Variants in TNS3 observed in about 807,000 individuals in gnomAD.
TNS3 encodes the protein tensin 3, also known as tensin-3.
A neutral mutation model predicts 140.9 loss-of-function variants in TNS3; 45 were observed. That is an observed-to-expected ratio of 0.32 (90% CI 0.25 to 0.41). TNS3 has a LOEUF of 0.41. Ranked by LOEUF, TNS3 falls within the 10% of genes least tolerant of loss-of-function variation. TNS3 has a pLI of 1.00. For missense variants in TNS3, 1,716 were observed against 1,906.7 expected, an observed-to-expected ratio of 0.90 and a Z score of 1.86; for synonymous variants, 815 against 788.4, an observed-to-expected ratio of 1.03 and a Z score of -0.56.
intron 1 of TNS3, among the ~76,000 whole-genome samples, chr7:47,542,356 G>A (rs530720459): frequency 2.8e-4 from 43 of 152,216 alleles, no homozygotes; most frequent in Admixed American, 4.6e-4. Flanking sequence ...ACCACACCTT[G>A]GCCAGACAAC....
intron 1 of TNS3, among the ~76,000 whole-genome samples, chr7:47,561,683 T>C (rs575757379): frequency 6.6e-6 from 1 of 152,318 alleles, no homozygotes; most frequent in Admixed American, 6.5e-5. Flanking sequence ...AGCAACATTT[T>C]AGAATGAAAA....
At chr7:47,296,235 T>A (rs931472578) in intron 24 of TNS3, among the ~76,000 whole-genome samples, 1 of 151,882 alleles carries the variant, frequency 6.6e-6, no homozygotes, top group Non-Finnish European at 1.5e-5. Flanking sequence ...GGCTGTAGGA[T>A]TTTCATAAGA....
chr7:47,335,988 G>A (rs1788609671), intron 20 of TNS3, among the ~76,000 whole-genome samples: 1 of 152,156 alleles, frequency 6.6e-6, no homozygotes, highest in Non-Finnish European at 1.5e-5. Context: ...CTCCCTATCT[G>A]CTGAGAGATG....
At position 47,407,951 on chromosome 7, in the gene TNS3, C is replaced by T. The variant is rs987416903; in HGVS notation, c.723+3776G>A. Among the ~76,000 whole-genome samples, 59 of 152,230 alleles carry T rather than the reference C, an allele frequency of 3.9e-4. No individual in the cohort carries two copies. Among genetic ancestry groups the T allele is most frequent in the African/African-American group, 1.4e-3 (57 of 41,550 alleles). On this transcript the variant is annotated intron_variant, in intron 13 of 30. Transcript: ENST00000311160. This position sits in a 1 kb window ranked among gnomAD's most constrained non-coding sequence, Gnocchi z 4.1. ...TGAAGCCTGAGTTGAGAGGTCAGGG[C>T]CAGGGTGGGTGGACAGTGCTAGATC... is the stretch of plus-strand genomic sequence containing the variant.
chr7:47,572,655 C>T (rs1386683158), intron 1 of TNS3, among the ~76,000 whole-genome samples: 3 of 152,060 alleles, frequency 2.0e-5, no homozygotes, highest in East Asian at 1.9e-4. Context: ...GCGGGCAGAT[C>T]GCCTGAGGTC....
intron 10 of TNS3, among the ~76,000 whole-genome samples, chr7:47,418,126 A>G (rs576799604): frequency 2.0e-5 from 3 of 152,318 alleles, no homozygotes; most frequent in African/African-American, 7.2e-5. Flanking sequence ...CTGTCTCTAC[A>G]AAAAATTAAT....
At chr7:47,492,644 A>G (rs1797857326) in intron 3 of TNS3, among the ~76,000 whole-genome samples, 1 of 152,262 alleles carries the variant, frequency 6.6e-6, no homozygotes, top group Admixed American at 6.5e-5. Context: ...GAGCACAGAA[A>G]TGTTATGACC....
intron 4 of TNS3, among the ~76,000 whole-genome samples, chr7:47,469,409 C>T (rs1178919458): frequency 3.3e-5 from 5 of 152,138 alleles, no homozygotes; most frequent in Non-Finnish European, 7.4e-5. Flanking sequence ...CATCAGACGT[C>T]GGCTAGGCTG....
intron 13 of TNS3, among the ~76,000 whole-genome samples, chr7:47,402,226 G>A (rs1312865870): frequency 6.6e-6 from 1 of 152,134 alleles, no homozygotes; most frequent in Non-Finnish European, 1.5e-5. Context: ...AAAGGGACGG[G>A]TAAATAAACC....
At chr7:47,317,425 T>C (rs1228424899) in intron 20 of TNS3, among the ~76,000 whole-genome samples, 1 of 152,252 alleles carries the variant, frequency 6.6e-6, no homozygotes, top group Non-Finnish European at 1.5e-5. Context: ...GATGTCCCAT[T>C]TATATTCAAG....
intron 23 of TNS3, among the ~76,000 whole-genome samples, chr7:47,301,938 T>C (rs1338221867): frequency 6.6e-6 from 1 of 152,224 alleles, no homozygotes; most frequent in African/African-American, 2.4e-5. Flanking sequence ...CCCTACACAC[T>C]GGAATGCTCA....
chr7:47,415,830 C>A (rs1440526985), intron 10 of TNS3, among the ~76,000 whole-genome samples: 1 of 152,242 alleles, frequency 6.6e-6, no homozygotes, highest in African/African-American at 2.4e-5. Flanking sequence ...TAGGAGTCGG[C>A]CTCATGCTTC....
intron 4 of TNS3, among the ~76,000 whole-genome samples, chr7:47,462,111 G>A (rs965665298): frequency 3.3e-5 from 5 of 152,140 alleles, no homozygotes; most frequent in African/African-American, 4.8e-5. Flanking sequence ...TCAGGATTCC[G>A]CAAGTTAACT....
chr7:47,582,237 G>A, upstream of TNS3: 1 of 222,062 alleles, frequency 4.5e-6, no homozygotes, highest in Non-Finnish European at 9.2e-6. Flanking sequence ...GGGTCACCTG[G>A]CCTCATCACC....
At chr7:47,480,009 A>G (rs1427141424) in intron 4 of TNS3, among the ~76,000 whole-genome samples, 1 of 152,228 alleles carries the variant, frequency 6.6e-6, no homozygotes, top group African/African-American at 2.4e-5. Flanking sequence ...GGCAAGGCCC[A>G]GCCACTGGAG....
chr7:47,340,292 T>G (rs1788924565), intron 20 of TNS3, among the ~76,000 whole-genome samples: 2 of 150,634 alleles, frequency 1.3e-5, no homozygotes, highest in Non-Finnish European at 3.0e-5. Flanking sequence ...CCAACTAATT[T>G]TTGTATTTTG....
At chr7:47,282,562 T>C (rs1474930219) in intron 28 of TNS3, among the ~76,000 whole-genome samples, 1 of 152,180 alleles carries the variant, frequency 6.6e-6, no homozygotes, top group Admixed American at 6.5e-5. Context: ...GCCACAACCC[T>C]GACCCTGTCC....
chr7:47,421,103 C>G (rs1794350848), intron 10 of TNS3, among the ~76,000 whole-genome samples: 1 of 152,174 alleles, frequency 6.6e-6, no homozygotes, highest in Non-Finnish European at 1.5e-5. Flanking sequence ...AACTGGCTAC[C>G]TGTCACTTTC....
chr7:47,488,279 G>C (rs1797684182), intron 3 of TNS3, among the ~76,000 whole-genome samples: 1 of 152,216 alleles, frequency 6.6e-6, no homozygotes, highest in Non-Finnish European at 1.5e-5. Context: ...CTCATTCCCA[G>C]TGCTGACACT....
Sources: allele counts gnomAD v4.1 joint callset (sites outside exome capture counted in the v4.1 genomes callset), GRCh38; gene constraint gnomAD v4.1.1; non-coding constraint Gnocchi (gnomAD v3.1); transcripts MANE v1.5; gene names NCBI Gene and HGNC (gene_info 2026-07-23, HGNC 2026-07-21).